TET1: variants seen among roughly 807,000 people sequenced by gnomAD.
The protein encoded by TET1 is methylcytosine dioxygenase TET1.
A neutral mutation model predicts 148.7 loss-of-function variants in TET1; 13 were observed. That is an observed-to-expected ratio of 0.09 (90% confidence interval 0.06 to 0.14). The LOEUF is 0.14. TET1 is among the 10% of genes least tolerant of loss of function. TET1 has a pLI of 1.00. For synonymous variants in TET1, 907 were observed against 937.2 expected (o/e 0.97, Z 0.59); for missense variants, 2,182 against 2,553.8 (o/e 0.85, Z 3.14).
chr10:68,581,693 A>G (rs2053799960), intron 2 of TET1, among the ~76,000 whole-genome samples: 2 of 151,994 alleles, frequency 1.3e-5, no homozygotes, highest in African/African-American at 2.4e-5. Context: ...AAATACAAAA[A>G]TATTAGCTGC....
chr10:68,652,845 A>ATTTTTTTTTTT (rs71019047), intron 6 of TET1, among the ~76,000 whole-genome samples: 1 of 101,214 alleles, frequency 9.9e-6, no homozygotes. Context: ...AACCCGGCTA[A>ATTTTTTTTTTT]TTTTTTTTTT....
chr10:68,649,054 G>C (rs1164119573), intron 4 of TET1, among the ~76,000 whole-genome samples: 1 of 152,208 alleles, frequency 6.6e-6, no homozygotes, highest in Non-Finnish European at 1.5e-5. Context: ...AAGGAGAGAA[G>C]AAAGTAATCA....
intron 2 of TET1, 28 bp downstream of exon 2, chr10:68,574,280 A>C (rs766863444): frequency 1.7e-5 from 26 of 1,574,430 alleles, no homozygotes; most frequent in South Asian, 1.3e-4. Context: ...GGGCTGGGAG[A>C]CAGCTGACAC....
rs149150538 is a variant in TET1 at position 68,692,330 on chromosome 10, T to C, written c.*516T>C. On this transcript the variant is annotated 3_prime_UTR_variant, in exon 12 of 12. Coordinates refer to ENST00000373644, the MANE Select transcript of TET1 (RefSeq NM_030625.3). ...ATTGGCATATTCCTTTGAAATAAACTTATGAAATGTTTTCTCTCTTAAAAT... is the reference window on the plus strand; with the variant it reads ...ATTGGCATATTCCTTTGAAATAAACCTATGAAATGTTTTCTCTCTTAAAAT... 1 of 232,464 alleles carries C rather than the reference T, an allele frequency of 4.3e-6. No individual in the cohort carries two copies. Among genetic ancestry groups the C allele is most frequent in the Non-Finnish European group, 8.5e-6 (1 of 117,396 alleles). The allele number at this position is 232,464 out of a possible 1,614,324, so 14.4% of individuals were successfully genotyped here.
intron 3 of TET1, among the ~76,000 whole-genome samples, chr10:68,628,331 T>C (rs2054519577): frequency 6.6e-6 from 1 of 152,240 alleles, no homozygotes; most frequent in South Asian, 2.1e-4. Flanking sequence ...AACAAGTCTT[T>C]TTCTCTGAGT....
intron 1 of TET1, among the ~76,000 whole-genome samples, chr10:68,567,169 T>A (rs536286196): frequency 4.1e-4 from 57 of 138,416 alleles, no homozygotes; most frequent in African/African-American, 1.5e-3. Context: ...GTGCCACTAG[T>A]TTTTTCCTGT....
chr10:68,671,160 G>C (rs917399897), intron 7 of TET1, among the ~76,000 whole-genome samples: 1 of 152,132 alleles, frequency 6.6e-6, no homozygotes, highest in African/African-American at 2.4e-5. Context: ...TACTAAGCTA[G>C]TATCCAATGG....
chr10:68,676,260 ATATATATATTTTTTTTTT>A (rs1275675213), intron 8 of TET1, among the ~76,000 whole-genome samples: 33 of 15,340 alleles, frequency 2.2e-3, no homozygotes, highest in Admixed American at 0.018. Flanking sequence ...ATATATATAT[ATATATATATTTTTTTTTT>A]TTTTTTTTTT....
At chr10:68,616,739 G>C (rs559512358) in intron 3 of TET1, among the ~76,000 whole-genome samples, 69 of 148,784 alleles carry the variant, frequency 4.6e-4, no homozygotes, top group Non-Finnish European at 7.6e-4. Flanking sequence ...ACGGAGTCTT[G>C]CTCTGTCGCC....
intron 3 of TET1, among the ~76,000 whole-genome samples, chr10:68,604,399 G>A (rs561474363): frequency 6.6e-4 from 101 of 152,296 alleles, no homozygotes; most frequent in Non-Finnish European, 1.0e-3. Context: ...ACTAAGGATG[G>A]TGAAGAAATC....
intron 6 of TET1, among the ~76,000 whole-genome samples, chr10:68,655,532 C>A (rs2055008653): frequency 6.6e-6 from 1 of 152,056 alleles, no homozygotes. Flanking sequence ...TACAGTGAGT[C>A]CAAAAGAGAG....
chr10:68,661,648 A>G (rs2055117000), intron 6 of TET1, among the ~76,000 whole-genome samples: 1 of 151,104 alleles, frequency 6.6e-6, no homozygotes, highest in Non-Finnish European at 1.5e-5. Context: ...CATGCCAGCT[A>G]GTTTTCTGGG....
Position 68,686,698 on chromosome 10 carries a change from C to T in TET1, c.5395C>T (p.Pro1799Ser). The part of the protein sequence containing the change: ...TTNNSKPSSL[P>S]TLGSNTETVQ... Reference sequence around the variant, plus strand: ...AAACAACAGTAAGCCTTCGTCACTGCCAACCTTAGGTGAGCCCTATGGAAC... The same window carrying T: ...AAACAACAGTAAGCCTTCGTCACTGTCAACCTTAGGTGAGCCCTATGGAAC... Residue 1799 changes from proline to serine, a missense_variant, in exon 11 of 12, where the codon CCA becomes TCA. By Grantham distance (74) the Pro-to-Ser change is moderately conservative. Around this residue, in one of 11 missense-constraint regions of TET1, gnomAD observed 380 missense variants for 387.9 expected, o/e 0.98. Coordinates refer to ENST00000373644, the MANE Select transcript of TET1 (RefSeq NM_030625.3). 1 of 1,612,318 alleles carries T rather than the reference C, an allele frequency of 6.2e-7. No individual in the cohort carries two copies. Among genetic ancestry groups the T allele is most frequent in the Admixed American group, 1.7e-5 (1 of 59,866 alleles).
rs1237982421 is a variant in TET1 at position 68,662,808 on chromosome 10, C to T, written c.4462-4237C>T. Among the ~76,000 whole-genome samples the T allele has an allele frequency of 3.9e-5, 6 of 152,184 alleles. No individual in the cohort carries two copies. In the South Asian group the frequency reaches 6.2e-4, roughly 16 times the overall value. ...GTTCTAGCTACTTGGGAGGGTTAGGCGGAAGGATCGAATGAGCCTGGAGAG... is the reference window on the plus strand; with the variant it reads ...GTTCTAGCTACTTGGGAGGGTTAGGTGGAAGGATCGAATGAGCCTGGAGAG... On this transcript the variant is annotated intron_variant, in intron 6 of 11. Transcript: ENST00000373644.
intron 1 of TET1, among the ~76,000 whole-genome samples, chr10:68,565,486 A>C (rs1179689911): frequency 9.6e-6 from 1 of 104,658 alleles, no homozygotes; most frequent in African/African-American, 3.2e-5. Context: ...ATATATATAT[A>C]TATATATATA....
Position 68,573,120 on chromosome 10 carries a change from C to A in TET1, c.782C>A (p.Thr261Asn), listed in dbSNP as rs1478813200. The stretch of plus-strand genomic sequence containing the variant: ...CCCCAAAGAGCAACCCCCAAAGTTA[C>A]CTCTCAAGGAAACCCCAGCATTCAG... ...PFPQRATPKV[T>N]SQGNPSIQLE... Residue 261 changes from threonine to asparagine, a missense_variant, in exon 2 of 12, where the codon ACC (threonine) becomes AAC (asparagine). Around this residue, in one of 11 missense-constraint regions of TET1, gnomAD observed 665 missense variants for 672.4 expected, o/e 0.99. Coordinates refer to ENST00000373644, the MANE Select transcript of TET1 (RefSeq NM_030625.3). 22 of 1,614,026 alleles carry A rather than the reference C, an allele frequency of 1.4e-5. No individual in the cohort carries two copies. The highest frequency in any genetic ancestry group is 1.8e-5 in the Non-Finnish European group (21 of 1,180,022).
chr10:68,584,463 C>T (rs2053837445), intron 2 of TET1, among the ~76,000 whole-genome samples: 2 of 151,490 alleles, frequency 1.3e-5, no homozygotes, highest in Admixed American at 1.3e-4. Flanking sequence ...AATCCCAGCA[C>T]TTTGGGAGTC....
chr10:68,561,639 G>A (rs1163544597), intron 1 of TET1, among the ~76,000 whole-genome samples: 1 of 151,912 alleles, frequency 6.6e-6, no homozygotes, highest in Admixed American at 6.6e-5. Flanking sequence ...GGAGGCGGCC[G>A]CACAACCTAC....
At chr10:68,574,869 C>T (rs992109080) in intron 2 of TET1, among the ~76,000 whole-genome samples, 1 of 152,138 alleles carries the variant, frequency 6.6e-6, no homozygotes, top group Non-Finnish European at 1.5e-5. Context: ...GATACACAAA[C>T]ATTAGTTCTT....
Sources: gnomAD v4.1 joint callset for allele counts (sites outside exome capture counted in the v4.1 genomes callset) on GRCh38, gnomAD v4.1.1 for gene constraint, gnomAD v4.1.1 regional missense constraint, MANE v1.5 for transcripts, NCBI Gene and HGNC (gene_info 2026-07-23, HGNC 2026-07-21) for gene names.